The following PTPRT variants were observed in gnomAD, a reference collection of about 807,000 sequenced individuals.
PTPRT encodes protein tyrosine phosphatase receptor type T.
PTPRT carries 56 observed loss-of-function variants against 176.8 expected under a neutral mutation model. The ratio of observed to expected loss-of-function variants is 0.32; its 90% CI spans 0.26 to 0.40. The LOEUF is 0.40. PTPRT is among the 10% of genes least tolerant of loss of function. PTPRT has a pLI of 1.00. For missense variants in PTPRT, 1,540 were observed against 1,908.2 expected (o/e 0.81, Z 3.60); for synonymous variants, 783 against 739.0 (o/e 1.06, Z -0.96).
At chr20:42,711,732 C>A (rs60641085) in intron 6 of PTPRT, among the ~76,000 whole-genome samples, 2 of 151,884 alleles carry the variant, frequency 1.3e-5, no homozygotes, top group South Asian at 4.2e-4. Flanking sequence ...GGAATATGAA[C>A]AAATTGAACT....
intron 1 of PTPRT, among the ~76,000 whole-genome samples, chr20:42,905,670 A>G (rs2079466040): frequency 6.6e-6 from 1 of 152,178 alleles, no homozygotes; most frequent in South Asian, 2.1e-4. Context: ...ACCAACCCAA[A>G]TGTCCATCAA....
At chr20:42,258,254 G>A (rs6016728) in intron 13 of PTPRT, among the ~76,000 whole-genome samples, 90 of 152,140 alleles carry the variant, frequency 5.9e-4, no homozygotes, top group Middle Eastern at 3.4e-3. Flanking sequence ...TCATGCCCTC[G>A]CACCCACGTA....
At position 42,545,032 on chromosome 20, in the gene PTPRT, G is replaced by C. The variant is rs576459018; in HGVS notation, c.1154-72470C>G. 8.5e-5 allele frequency among the ~76,000 whole-genome samples: 13 copies of C among 152,282 alleles called. No individual in the cohort carries two copies. The South Asian group carries it at 2.7e-3, about 32-fold the overall frequency. ...GCCTGGGCAGAAAACTAGCAGTGCT[G>C]TGAAGGAACATACGGCCAGACACCA... On this transcript the variant is annotated intron_variant, in intron 7 of 30. Coordinates refer to ENST00000373187, the MANE Select transcript of PTPRT (RefSeq NM_007050.6).
intron 2 of PTPRT, among the ~76,000 whole-genome samples, chr20:42,849,915 A>G (rs1000442717): frequency 2.0e-5 from 3 of 152,254 alleles, no homozygotes; most frequent in Non-Finnish European, 4.4e-5. Flanking sequence ...TCTGTTTCCT[A>G]CAACTTGGGC....
chr20:42,166,971 T>G (rs1004696881), intron 16 of PTPRT, among the ~76,000 whole-genome samples: 1 of 151,796 alleles, frequency 6.6e-6, no homozygotes, highest in African/African-American at 2.4e-5. Context: ...GGGAACTCAA[T>G]CTGCACCCTG....
At chr20:42,033,207 T>C in the PTPRT span, among the ~76,000 whole-genome samples, 1 of 152,164 alleles carries the variant, frequency 6.6e-6, no homozygotes, top group African/African-American at 2.4e-5. Flanking sequence ...TGAGGAAATA[T>C]AGGAAGGCGA....
At chr20:42,268,614 C>T (rs753411823) in intron 13 of PTPRT, among the ~76,000 whole-genome samples, 1 of 152,214 alleles carries the variant, frequency 6.6e-6, no homozygotes, top group Non-Finnish European at 1.5e-5. Context: ...CTGCACACAA[C>T]ATTCCTAGCA....
intron 7 of PTPRT, among the ~76,000 whole-genome samples, chr20:42,658,891 A>C (rs1312005083): frequency 6.6e-6 from 1 of 152,162 alleles, no homozygotes; most frequent in East Asian, 1.9e-4. Flanking sequence ...CATTGTTTTA[A>C]AGTGTGTTAC....
intron 7 of PTPRT, among the ~76,000 whole-genome samples, chr20:42,667,651 T>C (rs2075339059): frequency 6.6e-6 from 1 of 152,242 alleles, no homozygotes; most frequent in Non-Finnish European, 1.5e-5. Context: ...GTTGAGGGAT[T>C]ACTTGTTGAC....
At position 42,128,878 on chromosome 20, in the gene PTPRT, G is replaced by A. The variant is rs6130046; in HGVS notation, c.2771-48C>T. Reference sequence around the variant, plus strand: ...GGGGATGGTTGATAAGAGGCCTTACGCAGCTAATGTCCTCCTTTAGAACTA... The same window carrying A: ...GGGGATGGTTGATAAGAGGCCTTACACAGCTAATGTCCTCCTTTAGAACTA... On this transcript the variant is annotated intron_variant, in intron 18 of 30. Coordinates refer to ENST00000373187, the MANE Select transcript of PTPRT (RefSeq NM_007050.6). 1.8e-3 allele frequency: 2,727 copies of A among 1,482,598 alleles called. 38 individuals carry two copies. The African/African-American group carries it at 0.033, about 18-fold the overall frequency. The allele number at this position is 1,482,598 out of a possible 1,614,324, so 91.8% of individuals were successfully genotyped here.
intron 6 of PTPRT, among the ~76,000 whole-genome samples, chr20:42,707,769 C>T (rs2076082963): frequency 6.6e-6 from 1 of 152,146 alleles, no homozygotes; most frequent in African/African-American, 2.4e-5. Flanking sequence ...GCCTGAGCAA[C>T]ACAGCAATAC....
chr20:42,264,882 G>A (rs547042323), intron 13 of PTPRT, among the ~76,000 whole-genome samples: 4 of 152,116 alleles, frequency 2.6e-5, no homozygotes, highest in African/African-American at 7.2e-5. Context: ...CACCACTCAC[G>A]TTTCTCAGAA....
chr20:42,909,552 C>T (rs1426955373), intron 1 of PTPRT, among the ~76,000 whole-genome samples: 1 of 152,220 alleles, frequency 6.6e-6, no homozygotes, highest in Non-Finnish European at 1.5e-5. Context: ...CGTAGCTCCA[C>T]AGGTACAGGG....
At chr20:42,810,994 G>C (rs1345292581) in intron 2 of PTPRT, among the ~76,000 whole-genome samples, 1 of 152,116 alleles carries the variant, frequency 6.6e-6, no homozygotes, top group Admixed American at 6.6e-5. Context: ...AATTAAAAGT[G>C]GCAGAAAATT....
chr20:42,052,868 G>A, the PTPRT span, among the ~76,000 whole-genome samples: 7 of 152,146 alleles, frequency 4.6e-5, no homozygotes, highest in Admixed American at 1.3e-4. Context: ...GGCCCGTGTC[G>A]GTGGCTTTCA....
intron 6 of PTPRT, among the ~76,000 whole-genome samples, chr20:42,711,547 A>C (rs1473312094): frequency 6.6e-6 from 1 of 152,092 alleles, no homozygotes; most frequent in Non-Finnish European, 1.5e-5. Flanking sequence ...TGAGGCCCTC[A>C]CCAGAAGCAA....
Position 42,699,059 on chromosome 20 carries a change from C to T in PTPRT, c.860-20900G>A, listed in dbSNP as rs182242541. Among the ~76,000 whole-genome samples, 244 of 152,280 alleles carry T rather than the reference C, an allele frequency of 1.6e-3. 1 individual carries two copies. The highest frequency in any genetic ancestry group is 2.8e-3 in the Non-Finnish European group (193 of 68,018). On this transcript the variant is annotated intron_variant, in intron 6 of 30. Coordinates refer to ENST00000373187, the MANE Select transcript of PTPRT (RefSeq NM_007050.6). The stretch of plus-strand genomic sequence containing the variant: ...AGAGACGATGGAGAAGAAATCTAGT[C>T]TCATGATGTTTTCTTTGCAAACAAC...
chr20:42,727,659 A>G (rs2076401051), intron 6 of PTPRT, among the ~76,000 whole-genome samples: 1 of 150,944 alleles, frequency 6.6e-6, no homozygotes, highest in South Asian at 2.1e-4. Context: ...TGTTCAATTC[A>G]GTAGAAAGTT....
At chr20:42,301,300 C>G (rs957212051) in intron 12 of PTPRT, among the ~76,000 whole-genome samples, 2 of 152,084 alleles carry the variant, frequency 1.3e-5, no homozygotes, top group Non-Finnish European at 2.9e-5. Flanking sequence ...TAACTTGAAT[C>G]TAATCTTGAG....
Sources: gnomAD v4.1 joint callset for allele counts (sites outside exome capture counted in the v4.1 genomes callset) on GRCh38, gnomAD v4.1.1 for gene constraint, MANE v1.5 for transcripts, NCBI Gene and HGNC (gene_info 2026-07-23, HGNC 2026-07-21) for gene names.